SESN3: variants seen among roughly 807,000 people sequenced by gnomAD.
SESN3 encodes sestrin 3.
Under a neutral mutation model 55.3 loss-of-function variants are expected in SESN3, and 21 were observed. The ratio of observed to expected loss-of-function variants is 0.38; its 90% CI spans 0.27 to 0.55. The LOEUF (loss-of-function observed/expected upper bound fraction) is 0.55. SESN3 is among the 20% of genes least tolerant of loss of function. The pLI is 0.76. For missense variants in SESN3, 408 were observed against 604.3 expected (o/e 0.68, Z 3.41); for synonymous variants, 181 against 203.1 (o/e 0.89, Z 0.93).
rs895640648 is a variant in SESN3 at position 95,165,859 on chromosome 11, C to T, written c.*7396G>A. On this transcript the variant is annotated 3_prime_UTR_variant, in exon 10 of 10. Coordinates refer to ENST00000536441, the MANE Select transcript of SESN3 (RefSeq NM_144665.4). ...TACACATAAACTGATCCATTTAGGT[C>T]AGCTTTAGTCAGAACTGTAAAATCA... 14 of 152,240 alleles carry T rather than the reference C, an allele frequency of 9.2e-5. No homozygotes were observed. The highest frequency in any genetic ancestry group is 7.8e-4 in the Admixed American group (12 of 15,292). 9.4% of individuals were successfully genotyped at this position (152,240 alleles called of 1,614,324 possible).
chr11:95,168,316 C>T lies in SESN3; in HGVS notation c.*4939G>A, dbSNP rs902352655. On this transcript the variant is annotated 3_prime_UTR_variant, in exon 10 of 10. Coordinates refer to ENST00000536441, the MANE Select transcript of SESN3 (RefSeq NM_144665.4). ...GACTAACAACAGTATTCATTCATAA[C>T]CTAATACAAATCCAAGTTAGGATGG... 2.0e-5 allele frequency: 3 copies of T among 152,152 alleles called. No individual in the cohort carries two copies. Among genetic ancestry groups the T allele is most frequent in the Non-Finnish European group, 4.4e-5 (3 of 68,028 alleles). 9.4% of individuals were successfully genotyped at this position (152,152 alleles called of 1,614,324 possible).
At chr11:95,194,689 G>C (rs1860329153) in intron 1 of SESN3, among the ~76,000 whole-genome samples, 1 of 152,088 alleles carries the variant, frequency 6.6e-6, no homozygotes, top group African/African-American at 2.4e-5. Context: ...CATGTTAAGA[G>C]GATGAAGTCA....
intron 1 of SESN3, among the ~76,000 whole-genome samples, chr11:95,214,328 T>C (rs1337274132): frequency 1.3e-5 from 2 of 152,222 alleles, no homozygotes; most frequent in Non-Finnish European, 2.9e-5. Flanking sequence ...AGTATTAACT[T>C]AGAGGTAATA....
Position 95,184,456 on chromosome 11 carries a change from C to G in SESN3, c.901G>C (p.Val301Leu). Residue 301 changes from valine to leucine, a missense_variant, in exon 6 of 10, where the codon GTC becomes CTC. Physicochemically the swap from Val to Leu is conservative, Grantham distance 32. Around this residue, in one of 4 missense-constraint regions of SESN3, gnomAD observed 119 missense variants for 139.9 expected, o/e 0.85. Transcript: ENST00000536441. Reference sequence around the variant, plus strand: ...AATGAATGAAAAGTATCTCCAGAGACCACAAAAAGACTTTCTTTCTTCTCC... The same window carrying G: ...AATGAATGAAAAGTATCTCCAGAGAGCACAAAAAGACTTTCTTTCTTCTCC... ...EKEKKESLFV[V>L]SGDTFHSFPH... 1.2e-6 allele frequency: 2 copies of G among 1,613,540 alleles called. No individual in the cohort carries two copies. The highest frequency in any genetic ancestry group is 2.2e-5 in the South Asian group (2 of 91,056).
rs1161186359 is a variant in SESN3 at position 95,230,736 on chromosome 11, C to T, written c.78+47G>A. ...GGGGACGAGCCGCCCGAGCCCCGGC[C>T]GGCAGGAAGCGACCCTCGCCGGCAG... On this transcript the variant is annotated intron_variant, in intron 1 of 9. Transcript: ENST00000536441. The surrounding 1 kb of genome is among the most constrained non-coding windows in gnomAD (Gnocchi z 4.6). 1 of 1,481,410 alleles carries T rather than the reference C, an allele frequency of 6.8e-7. No individual in the cohort carries two copies. Among genetic ancestry groups the T allele is most frequent in the Non-Finnish European group, 9.3e-7 (1 of 1,073,774 alleles). The allele number at this position is 1,481,410 out of a possible 1,614,324, so 91.8% of individuals were successfully genotyped here. A position where few individuals can be genotyped will look rare whatever the true frequency, so the allele number is the denominator to read the frequency against.
chr11:95,226,292 G>A (rs537323104), intron 1 of SESN3, among the ~76,000 whole-genome samples: 24 of 152,220 alleles, frequency 1.6e-4, no homozygotes, highest in African/African-American at 5.3e-4. Context: ...CAATCTGTAA[G>A]GCAAGTAAAA....
chr11:95,195,032 A>G (rs1192977203), intron 1 of SESN3, among the ~76,000 whole-genome samples: 1 of 152,166 alleles, frequency 6.6e-6, no homozygotes, highest in Non-Finnish European at 1.5e-5. Context: ...GATTATGAGG[A>G]AAAATTATGA....
chr11:95,200,460 A>C (rs1860441383), intron 1 of SESN3, among the ~76,000 whole-genome samples: 1 of 152,102 alleles, frequency 6.6e-6, no homozygotes, highest in South Asian at 2.1e-4. Flanking sequence ...AAAGATCTAA[A>C]AGCAGAAAAT....
rs1420487132 is a variant in SESN3 at position 95,230,854 on chromosome 11, G to A, written c.7C>T (p.Arg3Trp). 1 of 1,579,558 alleles carries A rather than the reference G, an allele frequency of 6.3e-7. No homozygotes were observed. The highest frequency in any genetic ancestry group is 8.6e-7 in the Non-Finnish European group (1 of 1,168,402). The change falls in exon 1 of 10, where the codon CGG (arginine) becomes TGG (tryptophan). Residue 3 changes from arginine to tryptophan, a missense_variant. By Grantham distance (101) the Arg-to-Trp change is moderately radical. This residue lies in a region of SESN3 where 61 missense variants were observed against 48.3 expected (regional missense o/e 1.26). Transcript: ENST00000536441. The surrounding 1 kb of genome is among the most constrained non-coding windows in gnomAD (Gnocchi z 4.6). Reference protein sequence around the residue: MNRGGGSPSAAAN... With the variant: MNWGGGSPSAAAN... ...GCGGCCGACGGGCTGCCGCCGCCCC[G>A]GTTCATCGTGGCTGCGGGCGCCGAG...
Position 95,166,259 on chromosome 11 carries a change from C to T in SESN3, c.*6996G>A, listed in dbSNP as rs1859744761. On this transcript the variant is annotated 3_prime_UTR_variant, in exon 10 of 10. Coordinates refer to ENST00000536441, the MANE Select transcript of SESN3 (RefSeq NM_144665.4). ...TGCCTTACATTAGTCCAGTCACGTG[C>T]TTCGTAAAAAAAAAAAAAAAATTAC... The T allele has an allele frequency of 7.3e-6, 1 of 136,486 alleles. No individual in the cohort carries two copies. Among genetic ancestry groups the T allele is most frequent in the Non-Finnish European group, 1.6e-5 (1 of 61,000 alleles). The allele number at this position is 136,486 out of a possible 1,614,324, so 8.5% of individuals were successfully genotyped here. A position where few individuals can be genotyped will look rare whatever the true frequency, so the allele number is the denominator to read the frequency against.
chr11:95,175,359 A>T (rs1008143603), intron 9 of SESN3, 139 bp downstream of exon 9: 1 of 710,328 alleles, frequency 1.4e-6, no homozygotes, highest in Non-Finnish European at 2.2e-6. Flanking sequence ...CAAGCAAAAA[A>T]ACCCCAGATA....
chr11:95,184,314 G>A, intron 6 of SESN3, 106 bp downstream of exon 6: 2 of 901,804 alleles, frequency 2.2e-6, no homozygotes, highest in South Asian at 3.1e-5. Context: ...CTAAATAAGA[G>A]AAAGATGGTA....
chr11:95,190,088 C>A (rs769955001), intron 3 of SESN3, 127 bp from the exon 4 acceptor site: 51 of 647,236 alleles, frequency 7.9e-5, no homozygotes, highest in Non-Finnish European at 1.0e-4. Context: ...CTTACAGAAT[C>A]CTTTTTCTAA....
rs1050482292 is a variant in SESN3 at position 95,170,295 on chromosome 11, A to G, written c.*2960T>C. The G allele has an allele frequency of 1.3e-5, 2 of 152,230 alleles. No individual in the cohort carries two copies. The highest frequency in any genetic ancestry group is 4.8e-5 in the African/African-American group (2 of 41,466). 9.4% of individuals were successfully genotyped at this position (152,230 alleles called of 1,614,324 possible). On this transcript the variant is annotated 3_prime_UTR_variant, in exon 10 of 10. Transcript: ENST00000536441. ...CTTAAGGTGATCTGAGAAATTATAA[A>G]TTACCATTGAAGCTGGAAATCTTGA...
chr11:95,186,475 G>T (rs997685724), intron 4 of SESN3, among the ~76,000 whole-genome samples: 1 of 151,932 alleles, frequency 6.6e-6, no homozygotes, highest in Middle Eastern at 3.4e-3. Context: ...CTATGGCCAG[G>T]GGAGATAGGA....
At chr11:95,188,525 C>T (rs1860207920) in intron 4 of SESN3, among the ~76,000 whole-genome samples, 1 of 151,780 alleles carries the variant, frequency 6.6e-6, no homozygotes, top group African/African-American at 2.4e-5. Flanking sequence ...CTCAATTCTT[C>T]CCAGTTCCCA....
At chr11:95,187,780 A>G (rs530171589) in intron 4 of SESN3, among the ~76,000 whole-genome samples, 240 of 151,754 alleles carry the variant, frequency 1.6e-3, no homozygotes, top group African/African-American at 5.6e-3. Flanking sequence ...TTTAACTCAC[A>G]CTTTATCTTG....
At chr11:95,211,153 C>T (rs1451617340) in intron 1 of SESN3, among the ~76,000 whole-genome samples, 1 of 152,186 alleles carries the variant, frequency 6.6e-6, no homozygotes, top group Non-Finnish European at 1.5e-5. Flanking sequence ...CCAATCATAG[C>T]TTCATGTAGA....
In SESN3 at chr11:95,171,153, A is replaced by G. The variant is rs552681121; in HGVS notation, c.*2102T>C. ...AAAAAAACAAATTCAAGAATAAATG[A>G]CATCCTCAACTTGAAAGTTGTGAAG... On this transcript the variant is annotated 3_prime_UTR_variant, in exon 10 of 10. Transcript: ENST00000536441. The G allele has an allele frequency of 6.6e-6, 1 of 152,314 alleles. No individual in the cohort carries two copies. The highest frequency in any genetic ancestry group is 1.9e-4 in the East Asian group (1 of 5,188). 9.4% of individuals were successfully genotyped at this position (152,314 alleles called of 1,614,324 possible).
Sources: allele counts gnomAD v4.1 joint callset (sites outside exome capture counted in the v4.1 genomes callset), GRCh38; gene constraint gnomAD v4.1.1; regional missense constraint gnomAD v4.1.1; non-coding constraint Gnocchi (gnomAD v3.1); transcripts MANE v1.5; gene names NCBI Gene and HGNC (gene_info 2026-07-23, HGNC 2026-07-21).